CREB5: variants seen among roughly 807,000 people sequenced by gnomAD.
CREB5 encodes cyclic AMP-responsive element-binding protein 5.
A neutral mutation model predicts 57.1 loss-of-function variants in CREB5; 19 were observed. The observed-to-expected ratio is 0.33, with a 90% confidence interval of 0.23 to 0.49. The LOEUF is 0.49. Ranked by LOEUF, CREB5 falls within the 20% of genes least tolerant of loss-of-function variation. CREB5 has a pLI of 0.99. For missense variants in CREB5, 579 were observed against 671.6 expected (o/e 0.86, Z 1.52); for synonymous variants, 238 against 238.3 (o/e 1.00, Z 0.01).
chr7:28,478,137 A>G (rs1791159400), intron 1 of CREB5, among the ~76,000 whole-genome samples: 1 of 152,122 alleles, frequency 6.6e-6, no homozygotes, highest in Middle Eastern at 3.2e-3. Flanking sequence ...AAACCCCGCA[A>G]AACCCCACAC....
At chr7:28,423,857 G>A (rs1162853343) in intron 1 of CREB5, among the ~76,000 whole-genome samples, 2 of 152,178 alleles carry the variant, frequency 1.3e-5, no homozygotes, top group Non-Finnish European at 2.9e-5. Flanking sequence ...CTCCTCCCAG[G>A]GCGACCACAT....
In CREB5 at chr7:28,620,444, C is replaced by T. The variant is rs536740924; in HGVS notation, c.464+49907C>T. On this transcript the variant is annotated intron_variant, in intron 5 of 10. Transcript: ENST00000357727. ...AGAGCTTCTTTTCCCTGTGAAAGCA[C>T]ACCCTCTAAGGCTGTGTCTCAGCAT... Among the ~76,000 whole-genome samples, 439 of 152,296 alleles carry T rather than the reference C, an allele frequency of 2.9e-3. 1 individual carries two copies. Among genetic ancestry groups the T allele is most frequent in the African/African-American group, 9.6e-3 (401 of 41,568 alleles).
intron 1 of CREB5, among the ~76,000 whole-genome samples, chr7:28,334,987 C>T (rs1261872175): frequency 2.0e-5 from 3 of 152,138 alleles, no homozygotes; most frequent in Non-Finnish European, 2.9e-5. Context: ...GTTCTTGTCA[C>T]TCTCATCCAA....
At chr7:28,532,593 CTTTG>C (rs542462574) in intron 4 of CREB5, among the ~76,000 whole-genome samples, 59 of 152,190 alleles carry the variant, frequency 3.9e-4, no homozygotes, top group African/African-American at 1.1e-3. Context: ...GGAAGGTTTT[CTTTG>C]TTTGTTTGTT....
intron 4 of CREB5, among the ~76,000 whole-genome samples, chr7:28,536,035 T>C (rs1793953906): frequency 6.6e-6 from 1 of 152,190 alleles, no homozygotes; most frequent in Non-Finnish European, 1.5e-5. Flanking sequence ...TGGGTCTTTC[T>C]TGTGCCTGCT....
chr7:28,546,172 T>C (rs1165063323), intron 4 of CREB5, among the ~76,000 whole-genome samples: 1 of 152,230 alleles, frequency 6.6e-6, no homozygotes. Flanking sequence ...GTTTTGTTTA[T>C]TTAGCATAAT....
rs185551759 is a variant in CREB5, at chr7:28,369,294, A to G, written c.-25+69853A>G. Among the ~76,000 whole-genome samples the G allele has an allele frequency of 2.6e-5, 4 of 152,326 alleles. No homozygotes were observed. In the East Asian group the frequency reaches 7.7e-4, roughly 29 times the overall value. The stretch of plus-strand genomic sequence containing the variant: ...GCCAGTGGTATTTCCAGGGAAGAAT[A>G]CATTAGTAATGCAGGCTTGGGTAAC... On this transcript the variant is annotated intron_variant, in intron 1 of 9. Transcript: ENST00000396299.
At chr7:28,315,239 A>G (rs2127982571) in intron 1 of CREB5, among the ~76,000 whole-genome samples, 1 of 152,336 alleles carries the variant, frequency 6.6e-6, no homozygotes, top group East Asian at 1.9e-4. Context: ...TACAGCACAA[A>G]TCCTTCCCAC....
intron 5 of CREB5, among the ~76,000 whole-genome samples, chr7:28,659,652 A>C (rs1373125228): frequency 6.6e-6 from 1 of 152,194 alleles, no homozygotes; most frequent in African/African-American, 2.4e-5. Flanking sequence ...CATACAAAAA[A>C]ACTGATGCAA....
At chr7:28,683,380 G>A (rs143762425) in intron 5 of CREB5, among the ~76,000 whole-genome samples, 129 of 152,264 alleles carry the variant, frequency 8.5e-4, no homozygotes, top group Admixed American at 1.8e-3. Flanking sequence ...GAATAGTTAT[G>A]TCCCGAACAA....
At position 28,655,268 on chromosome 7, in the gene CREB5, C is replaced by T. The variant is rs78028310; in HGVS notation, c.465-63485C>T. ...GCATGTAGGTGTTTGTTGTATTACT[C>T]TTTAAACGTTTTTGCCTGTCTGAAA... On this transcript the variant is annotated intron_variant, in intron 5 of 10. Transcript: ENST00000357727. Among the ~76,000 whole-genome samples, 580 of 152,222 alleles carry T rather than the reference C, an allele frequency of 3.8e-3. 8 individuals carry two copies. The highest frequency in any genetic ancestry group is 0.013 in the African/African-American group (557 of 41,528).
At chr7:28,443,492 T>C (rs1214550746) in intron 1 of CREB5, among the ~76,000 whole-genome samples, 2 of 152,238 alleles carry the variant, frequency 1.3e-5, no homozygotes, top group African/African-American at 4.8e-5. Context: ...CAAGGCCATC[T>C]GTACCTCTGC....
At chr7:28,323,118 C>T (rs1785521483) in intron 1 of CREB5, among the ~76,000 whole-genome samples, 1 of 152,164 alleles carries the variant, frequency 6.6e-6, no homozygotes, top group Admixed American at 6.6e-5. Context: ...TGCCCTGTCA[C>T]TAGGAACATT....
intron 1 of CREB5, among the ~76,000 whole-genome samples, chr7:28,421,767 C>CTAT (rs1262636463): frequency 5.0e-5 from 1 of 20,008 alleles, no homozygotes; most frequent in Admixed American, 5.9e-4. Flanking sequence ...CATACACACA[C>CTAT]ACTATATATA....
intron 1 of CREB5, among the ~76,000 whole-genome samples, chr7:28,334,450 C>A (rs1270230368): frequency 6.6e-6 from 1 of 152,166 alleles, no homozygotes; most frequent in African/African-American, 2.4e-5. Context: ...AGCCACCATG[C>A]CCAGCTAACC....
intron 7 of CREB5, among the ~76,000 whole-genome samples, chr7:28,736,690 T>C (rs1213337174): frequency 6.6e-6 from 1 of 152,202 alleles, no homozygotes; most frequent in African/African-American, 2.4e-5. Flanking sequence ...CCTTCCATGC[T>C]GTCTTTGCTT....
At chr7:28,600,334 G>A (rs1312665657) in intron 5 of CREB5, among the ~76,000 whole-genome samples, 5 of 151,592 alleles carry the variant, frequency 3.3e-5, no homozygotes, top group Non-Finnish European at 5.9e-5. Flanking sequence ...AGCTAAACTC[G>A]CAGGCGCAAG....
At chr7:28,587,854 C>T (rs1288856587) in intron 5 of CREB5, among the ~76,000 whole-genome samples, 1 of 152,206 alleles carries the variant, frequency 6.6e-6, no homozygotes, top group Admixed American at 6.5e-5. Flanking sequence ...ACCTCCTTTT[C>T]AATACCTAAA....
intron 5 of CREB5, among the ~76,000 whole-genome samples, chr7:28,613,985 G>A (rs560612101): frequency 6.9e-4 from 105 of 152,162 alleles, no homozygotes; most frequent in African/African-American, 2.4e-3. Context: ...TTGACATAGG[G>A]TCTCACTCTG....
Sources: gnomAD v4.1 joint callset for allele counts (sites outside exome capture counted in the v4.1 genomes callset) on GRCh38, gnomAD v4.1.1 for gene constraint, MANE v1.5 for transcripts, NCBI Gene and HGNC (gene_info 2026-07-23, HGNC 2026-07-21) for gene names.